RAB11FIP3: variants seen among roughly 807,000 people sequenced by gnomAD.
RAB11FIP3 encodes the protein rab11 family-interacting protein 3.
A neutral mutation model predicts 77.8 loss-of-function variants in RAB11FIP3; 17 were observed. The ratio of observed to expected loss-of-function variants is 0.22; its 90% CI spans 0.15 to 0.33. The LOEUF (loss-of-function observed/expected upper bound fraction) is 0.33. Ranked by LOEUF, RAB11FIP3 falls within the 10% of genes least tolerant of loss-of-function variation. RAB11FIP3 has a pLI of 1.00. For missense variants in RAB11FIP3, 1,005 were observed against 1,011.2 expected (o/e 0.99, Z 0.08); for synonymous variants, 437 against 448.2 (o/e 0.98, Z 0.31).
intron 1 of RAB11FIP3, among the ~76,000 whole-genome samples, chr16:429,821 T>G (rs1238145924): frequency 2.6e-5 from 4 of 152,180 alleles, no homozygotes; most frequent in African/African-American, 9.7e-5. Context: ...TTTATCAAAT[T>G]TTCAGAGGTA....
At chr16:460,104 C>T (rs578015334) in intron 1 of RAB11FIP3, among the ~76,000 whole-genome samples, 8 of 152,152 alleles carry the variant, frequency 5.3e-5, no homozygotes, top group African/African-American at 1.9e-4. Context: ...CTGGAACTCC[C>T]AGCCTCAGGT....
Position 426,171 on chromosome 16 carries a change from G to T in RAB11FIP3, c.165G>T (p.Leu55=). 7 of 1,015,784 alleles carry T rather than the reference G, an allele frequency of 6.9e-6. No individual in the cohort carries two copies. Among genetic ancestry groups the T allele is most frequent in the Non-Finnish European group, 8.2e-6 (7 of 851,720 alleles). The allele number at this position is 1,015,784 out of a possible 1,614,324, so 62.9% of individuals were successfully genotyped here. The change falls in exon 1 of 14, where the codon CTG becomes CTT. Residue 55 remains leucine, a synonymous_variant. Coordinates refer to ENST00000262305, the MANE Select transcript of RAB11FIP3 (RefSeq NM_014700.4). This position sits in a 1 kb window ranked among gnomAD's most constrained non-coding sequence, Gnocchi z 5.0. ...GCCCCGACCCGCAGTCCCCGGGCCT[G>T]GATGAGCCTGCGCCCGGGGCCGCTG... is the stretch of plus-strand genomic sequence containing the variant. ...VGGPDPQSPG[L]DEPAPGAAAD...
chr16:507,112 C>CA lies in RAB11FIP3; in HGVS notation c.1499+1485_1499+1486insA, dbSNP rs1567404183. On this transcript the variant is annotated intron_variant, in intron 8 of 13. Transcript: ENST00000262305. This position sits in a 1 kb window ranked among gnomAD's most constrained non-coding sequence, Gnocchi z 4.6. ...TACAGGTGTGCACCACCACACCCAG[C>CA]TTTTTTTTTTTTTTTTTTGAGACGG... 2.2e-5 allele frequency among the ~76,000 whole-genome samples: 3 copies of CA among 136,550 alleles called. No homozygotes were observed. The highest frequency in any genetic ancestry group is 4.8e-5 in the Non-Finnish European group (3 of 63,094). 89.6% of individuals were successfully genotyped at this position (136,550 alleles called of 152,430 possible).
chr16:431,799 C>T (rs1356238871), intron 1 of RAB11FIP3, among the ~76,000 whole-genome samples: 3 of 151,788 alleles, frequency 2.0e-5, no homozygotes, highest in Non-Finnish European at 4.4e-5. Context: ...CTCTGTCACC[C>T]AGGCTGGAGT....
intron 1 of RAB11FIP3, among the ~76,000 whole-genome samples, chr16:450,233 A>G (rs1171658114): frequency 6.6e-6 from 1 of 152,044 alleles, no homozygotes; most frequent in Non-Finnish European, 1.5e-5. Context: ...GCAGTGGAAC[A>G]ATCTTGGTAT....
At chr16:515,571 G>A (rs1159722786) in intron 9 of RAB11FIP3, among the ~76,000 whole-genome samples, 8 of 150,570 alleles carry the variant, frequency 5.3e-5, no homozygotes, top group Admixed American at 4.0e-4. Flanking sequence ...CGGGCGACAC[G>A]GACCGGTGTT....
At chr16:473,905 C>T (rs929710858) in intron 3 of RAB11FIP3, among the ~76,000 whole-genome samples, 10 of 152,320 alleles carry the variant, frequency 6.6e-5, no homozygotes, top group African/African-American at 9.6e-5. Context: ...CTCCACAGCT[C>T]TGCCTCTTCC....
At chr16:492,043 TTAGAGGTATCTGTGAAACTGCTTACC>T (rs2030248989) in intron 5 of RAB11FIP3, among the ~76,000 whole-genome samples, 1 of 152,186 alleles carries the variant, frequency 6.6e-6, no homozygotes, top group Non-Finnish European at 1.5e-5. Context: ...TCTAGCATGT[TTAGAGGTATCTGTGAAACTGCTTACC>T]TGTCTTGAGC....
At chr16:482,291 A>C in intron 3 of RAB11FIP3, 1 of 675,532 alleles carries the variant, frequency 1.5e-6, no homozygotes, top group Non-Finnish European at 2.7e-6. Flanking sequence ...CCTGGGTTCA[A>C]GCGATCCACC....
chr16:496,827 G>T lies in RAB11FIP3; in HGVS notation c.1269G>T (p.Pro423=). ...GTTTATTTTGTTTTCTGCACAGTCC[G>T]ACAAAGCGGCTCTCCAGCAAGAAGG... ...CSDPAFLTPS[P]TKRLSSKKVA... is the part of the protein sequence containing the mutation. The change falls in exon 6 of 14, where the codon CCG becomes CCT. Residue 423 remains proline, a synonymous_variant. Transcript: ENST00000262305. 1 of 1,595,842 alleles carries T rather than the reference G, an allele frequency of 6.3e-7. No homozygotes were observed. Among genetic ancestry groups the T allele is most frequent in the South Asian group, 1.1e-5 (1 of 90,642 alleles).
At position 488,913 on chromosome 16, in the gene RAB11FIP3, A is replaced by T; in HGVS notation, c.1178A>T (p.Tyr393Phe). The stretch of plus-strand genomic sequence containing the variant: ...GGGGGCGAGGAGCACTTTGAGGACT[A>T]CGGTGAAGGCAGTGAGGCGGAGCTG... ...VIGGEEHFED[Y>F]GEGSEAELSP... is the part of the protein sequence containing the mutation. The change falls in exon 5 of 14, where the codon TAC (tyrosine) becomes TTC (phenylalanine). Residue 393 changes from tyrosine to phenylalanine, a missense_variant. Tyr to Phe is a conservative substitution (Grantham distance 22, BLOSUM62 3). Transcript: ENST00000262305. The T allele has an allele frequency of 6.2e-7, 1 of 1,613,994 alleles. No individual in the cohort carries two copies. Among genetic ancestry groups the T allele is most frequent in the Non-Finnish European group, 8.5e-7 (1 of 1,179,994 alleles).
rs565458093 is a variant in RAB11FIP3 at position 514,441 on chromosome 16, G to C, written c.1640+3641G>C. Among the ~76,000 whole-genome samples the C allele has an allele frequency of 6.6e-6, 1 of 152,368 alleles. No individual in the cohort carries two copies. Among genetic ancestry groups the C allele is most frequent in the African/African-American group, 2.4e-5 (1 of 41,590 alleles). ...GCGTCGGAACCTCCTGGGAACAGCA[G>C]GGGCGGGTGGCTATGCAGTTGCAGT... On this transcript the variant is annotated intron_variant, in intron 9 of 13. Coordinates refer to ENST00000262305, the MANE Select transcript of RAB11FIP3 (RefSeq NM_014700.4). This position sits in a 1 kb window ranked among gnomAD's most constrained non-coding sequence, Gnocchi z 4.6.
chr16:469,448 A>G (rs534537962), intron 2 of RAB11FIP3, among the ~76,000 whole-genome samples: 2 of 151,950 alleles, frequency 1.3e-5, no homozygotes, highest in Admixed American at 6.6e-5. Context: ...AGGTTGGAGT[A>G]TAGTGGCATG....
At chr16:511,050 A>G (rs1170558334) in intron 9 of RAB11FIP3, among the ~76,000 whole-genome samples, 4 of 126,432 alleles carry the variant, frequency 3.2e-5, no homozygotes, top group Admixed American at 1.6e-4. Context: ...AGGTAGGAGA[A>G]GTTCCCCGAC....
intron 1 of RAB11FIP3, among the ~76,000 whole-genome samples, chr16:458,825 T>C (rs1047869943): frequency 2.6e-5 from 4 of 152,210 alleles, no homozygotes; most frequent in Non-Finnish European, 5.9e-5. Context: ...CCCACACTTC[T>C]TTCTTCTTTG....
intron 1 of RAB11FIP3, among the ~76,000 whole-genome samples, chr16:441,132 G>A (rs139381586): frequency 0.026 from 3,899 of 152,096 alleles, 185 homozygotes; most frequent in African/African-American, 0.088. Flanking sequence ...TATTAGAGAC[G>A]GGTTTCACCA....
At chr16:475,160 T>C in intron 3 of RAB11FIP3, 1 of 1,496,080 alleles carries the variant, frequency 6.7e-7, no homozygotes. Context: ...GGAGAGAGGC[T>C]CAGGGAAGAA....
chr16:446,778 C>T (rs1260141826), intron 1 of RAB11FIP3, among the ~76,000 whole-genome samples: 1 of 152,070 alleles, frequency 6.6e-6, no homozygotes, highest in Admixed American at 6.5e-5. Flanking sequence ...TCACTGCAAC[C>T]TCCGCCTCCT....
chr16:432,940 C>T (rs192605204), intron 1 of RAB11FIP3, among the ~76,000 whole-genome samples: 50 of 144,598 alleles, frequency 3.5e-4, no homozygotes, highest in African/African-American at 1.2e-3. Context: ...AATATTTGTA[C>T]ATATTCATGG....
Sources: allele counts gnomAD v4.1 joint callset (sites outside exome capture counted in the v4.1 genomes callset), GRCh38; gene constraint gnomAD v4.1.1; non-coding constraint Gnocchi (gnomAD v3.1); transcripts MANE v1.5; gene names NCBI Gene and HGNC (gene_info 2026-07-23, HGNC 2026-07-21).